The following RMDN2 variants were observed in gnomAD, a reference collection of about 807,000 sequenced individuals.
RMDN2 encodes the protein regulator of microtubule dynamics protein 2.
Under a neutral mutation model 52.8 loss-of-function variants are expected in RMDN2, and 61 were observed. The ratio of observed to expected loss-of-function variants is 1.16; its 90% CI spans 0.94 to 1.43. RMDN2 has a LOEUF of 1.43. Among genes scored for constraint, RMDN2 ranks in the 40% most tolerant of loss-of-function variants. The pLI is 0.00. For synonymous variants in RMDN2, 180 were observed against 153.1 expected, an observed-to-expected ratio of 1.18 and a Z score of -1.30; for missense variants, 592 against 475.3, an observed-to-expected ratio of 1.25 and a Z score of -2.28.
intron 10 of RMDN2, among the ~76,000 whole-genome samples, chr2:38,007,517 T>A (rs1313615587): frequency 6.6e-6 from 1 of 152,208 alleles, no homozygotes; most frequent in Non-Finnish European, 1.5e-5. Flanking sequence ...TATTCTCTGA[T>A]GGTAGTTTGT....
chr2:37,966,672 T>C (rs951888491), intron 2 of RMDN2, among the ~76,000 whole-genome samples: 1 of 152,040 alleles, frequency 6.6e-6, no homozygotes, highest in Non-Finnish European at 1.5e-5. Flanking sequence ...TGCCTGGTTG[T>C]TTGTTTGTTT....
chr2:38,011,373 G>A (rs1558549841), intron 10 of RMDN2, among the ~76,000 whole-genome samples: 1 of 152,056 alleles, frequency 6.6e-6, no homozygotes, highest in Admixed American at 6.5e-5. Context: ...GCTGTTGACT[G>A]GTGTTGTGGG....
intron 10 of RMDN2, among the ~76,000 whole-genome samples, chr2:38,040,905 G>A (rs1039132826): frequency 2.6e-5 from 4 of 151,916 alleles, no homozygotes; most frequent in Admixed American, 2.6e-4. Flanking sequence ...TCAGAGTTTT[G>A]TACTTTTGCA....
At chr2:37,990,449 G>T (rs192775836) in intron 6 of RMDN2, among the ~76,000 whole-genome samples, 104 of 149,352 alleles carry the variant, frequency 7.0e-4, no homozygotes, top group African/African-American at 2.3e-3. Context: ...AACCAGGGAG[G>T]CGGAGGTTGC....
At chr2:38,009,056 G>T (rs1234172745) in intron 10 of RMDN2, among the ~76,000 whole-genome samples, 1 of 152,208 alleles carries the variant, frequency 6.6e-6, no homozygotes, top group African/African-American at 2.4e-5. Flanking sequence ...GGCTTGTAGA[G>T]TTTCTGCTGA....
At chr2:38,057,664 G>T (rs1681897762) in intron 10 of RMDN2, among the ~76,000 whole-genome samples, 1 of 152,176 alleles carries the variant, frequency 6.6e-6, no homozygotes, top group South Asian at 2.1e-4. Flanking sequence ...TGGTGGTGGG[G>T]CATGGTAGGA....
At chr2:38,029,355 G>C (rs1010666661) in intron 10 of RMDN2, 1 of 152,096 alleles carries the variant, frequency 6.6e-6, no homozygotes, top group African/African-American at 2.4e-5. Flanking sequence ...CCTGGGCCAA[G>C]GGATGGAAGT....
intron 10 of RMDN2, among the ~76,000 whole-genome samples, chr2:38,058,768 C>T (rs1281561083): frequency 2.6e-5 from 4 of 151,954 alleles, no homozygotes; most frequent in African/African-American, 9.7e-5. Flanking sequence ...TTTCCTATTG[C>T]GACCTGAGTT....
rs1573227391 is a variant in RMDN2, at chr2:38,046,496, G to A, written c.1714-20486G>A. ...GTCCAAAATTTGATGAAAAACATTA[G>A]ATATCTATGAGGCTCAAAGAATTTA... On this transcript the variant is annotated intron_variant, in intron 10 of 10. Coordinates refer to the RMDN2 transcript ENST00000234195. 2.0e-5 allele frequency among the ~76,000 whole-genome samples: 3 copies of A among 152,028 alleles called. No homozygotes were observed. The South Asian group carries it at 6.2e-4, about 32-fold the overall frequency.
intron 2 of RMDN2, among the ~76,000 whole-genome samples, chr2:37,955,478 T>G (rs1379031458): frequency 6.6e-6 from 1 of 152,140 alleles, no homozygotes; most frequent in Non-Finnish European, 1.5e-5. Flanking sequence ...TCATTTTGTT[T>G]ATGTGGTATT....
intron 5 of RMDN2, among the ~76,000 whole-genome samples, chr2:37,983,832 C>G (rs1673640017): frequency 6.6e-6 from 1 of 152,150 alleles, no homozygotes; most frequent in Non-Finnish European, 1.5e-5. Flanking sequence ...GACATATTCT[C>G]ATTCATTCAG....
chr2:37,943,848 A>T (rs563947330), intron 2 of RMDN2, among the ~76,000 whole-genome samples: 2 of 151,906 alleles, frequency 1.3e-5, no homozygotes, highest in Non-Finnish European at 2.9e-5. Flanking sequence ...CCCTGACTTT[A>T]TAATTTTTAG....
intron 2 of RMDN2, among the ~76,000 whole-genome samples, chr2:37,973,312 C>G (rs1240585312): frequency 3.3e-5 from 5 of 152,130 alleles, no homozygotes; most frequent in Non-Finnish European, 7.4e-5. Context: ...AAAGTTTAAA[C>G]TTAGATCATC....
intron 2 of RMDN2, among the ~76,000 whole-genome samples, chr2:37,937,675 T>G (rs1443292485): frequency 6.6e-6 from 1 of 152,130 alleles, no homozygotes; most frequent in Non-Finnish European, 1.5e-5. Context: ...AATGGGAGTT[T>G]GCTCATGATT....
At chr2:38,042,457 ACAC>A (rs935792168) in intron 10 of RMDN2, among the ~76,000 whole-genome samples, 6 of 150,094 alleles carry the variant, frequency 4.0e-5, no homozygotes, top group Non-Finnish European at 8.9e-5. Context: ...ACACACACAC[ACAC>A]ATCAGGTTTT....
At position 37,929,271 on chromosome 2, in the gene RMDN2, C is replaced by G. The variant is rs1196421935; in HGVS notation, c.-7C>G. The G allele has an allele frequency of 2.7e-6, 4 of 1,494,166 alleles. No individual in the cohort carries two copies. In the Admixed American group the frequency reaches 1.0e-4, roughly 38 times the overall value. 92.6% of individuals were successfully genotyped at this position (1,494,166 alleles called of 1,614,324 possible). On this transcript the variant is annotated 5_prime_UTR_variant, in exon 2 of 11. Coordinates refer to ENST00000354545, the MANE Select transcript of RMDN2 (RefSeq NM_001170791.3). ...ATGTTTTTAATTTTAGAAACGAAAA[C>G]CAAGAAATGCCTTATTCCACAAACA...
chr2:37,930,263 A>G (rs1666618351), intron 2 of RMDN2, among the ~76,000 whole-genome samples: 1 of 152,244 alleles, frequency 6.6e-6, no homozygotes, highest in African/African-American at 2.4e-5. Context: ...GCTACTGGCT[A>G]CTGAATTTTA....
intron 2 of RMDN2, among the ~76,000 whole-genome samples, chr2:37,945,469 A>T (rs1480155505): frequency 6.6e-6 from 1 of 152,168 alleles, no homozygotes; most frequent in African/African-American, 2.4e-5. Flanking sequence ...TCCAACATCC[A>T]TTCACTCTAC....
At chr2:38,061,962 C>T (rs1682070233) in intron 10 of RMDN2, among the ~76,000 whole-genome samples, 1 of 152,210 alleles carries the variant, frequency 6.6e-6, no homozygotes, top group Non-Finnish European at 1.5e-5. Flanking sequence ...GGCCATGATC[C>T]TTGTTCACAT....
Sources: gnomAD v4.1 joint callset for allele counts (sites outside exome capture counted in the v4.1 genomes callset) on GRCh38, gnomAD v4.1.1 for gene constraint, MANE v1.5 for transcripts, NCBI Gene and HGNC (gene_info 2026-07-23, HGNC 2026-07-21) for gene names.